Variants in SUN3 observed in about 807,000 individuals in gnomAD.
The protein encoded by SUN3 is SUN domain-containing protein 3.
Under a neutral mutation model 48.2 loss-of-function variants are expected in SUN3, and 36 were observed. The observed-to-expected ratio is 0.75, with a 90% confidence interval of 0.57 to 0.99. The LOEUF (loss-of-function observed/expected upper bound fraction) is 0.99. Among genes scored for constraint, SUN3 ranks in the 50% least tolerant of loss-of-function variants. SUN3 has a pLI of 0.00. For missense variants in SUN3, 419 were observed against 433.1 expected, an observed-to-expected ratio of 0.97 and a Z score of 0.29; for synonymous variants, 148 against 147.9, an observed-to-expected ratio of 1.00 and a Z score of 0.00.
intron 6 of SUN3, among the ~76,000 whole-genome samples, chr7:47,998,534 T>C (rs936541580): frequency 2.6e-5 from 4 of 152,220 alleles, no homozygotes; most frequent in Non-Finnish European, 5.9e-5. Flanking sequence ...ACTGTTTTTT[T>C]GGCAGAGTAG....
At chr7:48,035,653 A>T in the SUN3 span, 1 of 654,030 alleles carries the variant, frequency 1.5e-6, no homozygotes, top group African/African-American at 1.8e-5. This position sits in a 1 kb window ranked among gnomAD's most constrained non-coding sequence, Gnocchi z 4.0. Context: ...GGGCTGGAGG[A>T]CAATGGGGGC....
chr7:48,009,474 G>A (rs925394472), intron 3 of SUN3, among the ~76,000 whole-genome samples: 1 of 152,172 alleles, frequency 6.6e-6, no homozygotes, highest in African/African-American at 2.4e-5. Context: ...AAAAACCTAA[G>A]GAGCACATGG....
chr7:47,988,793 G>A lies in SUN3; in HGVS notation c.949C>T (p.Leu317Phe). Residue 317 changes from leucine (L) to phenylalanine (F), a missense_variant, in exon 9 of 10, where the codon CTC (leucine) becomes TTC (phenylalanine). By Grantham distance (22) the Leu-to-Phe change is conservative. Transcript: ENST00000297325. Reference sequence around the variant, plus strand: ...TTTCCCAGAGCATACATTACCTGGAGTTCAAATGTTTGAACGGTGGTTCCT... The same window carrying A: ...TTTCCCAGAGCATACATTACCTGGAATTCAAATGTTTGAACGGTGGTTCCT... ...KTGTTVQTFE[L>F]QHAVSEYLLC... The A allele has an allele frequency of 1.3e-6, 2 of 1,597,434 alleles. No individual in the cohort carries two copies. The highest frequency in any genetic ancestry group is 1.7e-6 in the Non-Finnish European group (2 of 1,168,458).
chr7:48,027,855 G>A (rs1325902489), intron 1 of SUN3, among the ~76,000 whole-genome samples: 2 of 152,172 alleles, frequency 1.3e-5, no homozygotes, highest in Non-Finnish European at 2.9e-5. Flanking sequence ...GTGGTAGGGG[G>A]TCCACTGTAT....
At chr7:48,020,641 TACAA>T (rs1443617133) in intron 2 of SUN3, among the ~76,000 whole-genome samples, 6 of 152,182 alleles carry the variant, frequency 3.9e-5, no homozygotes, top group Admixed American at 3.9e-4. Flanking sequence ...CATTTCTATA[TACAA>T]ACAGTGAACA....
At chr7:48,021,563 A>C (rs536624211) in intron 2 of SUN3, among the ~76,000 whole-genome samples, 6 of 118,456 alleles carry the variant, frequency 5.1e-5, no homozygotes, top group Non-Finnish European at 9.0e-5. Flanking sequence ...TCTACAGAGA[A>C]AAAAAAAAAA....
At position 48,002,151 on chromosome 7, in the gene SUN3, CTTTTTTTT is replaced by C. The variant is rs71006541; in HGVS notation, c.577+3810_577+3817del. On this transcript the variant is annotated intron_variant, in intron 6 of 9. Transcript: ENST00000297325. ...CATTGTGGTTTTGATTTGCATTTCT[CTTTTTTTT>C]TTTTTTTTTTTTTTTTTTGAGACGG... Among the ~76,000 whole-genome samples, 9 of 64,154 alleles carry C rather than the reference CTTTTTTTT, an allele frequency of 1.4e-4. No individual in the cohort carries two copies. The South Asian group carries it at 2.1e-3, about 15-fold the overall frequency. The allele number at this position is 64,154 out of a possible 152,430, so 42.1% of individuals were successfully genotyped here.
intron 3 of SUN3, among the ~76,000 whole-genome samples, chr7:48,009,713 A>T (rs1274747119): frequency 6.6e-6 from 1 of 152,150 alleles, no homozygotes. Context: ...GAAAAGGTAA[A>T]GTTACTGTTT....
chr7:48,031,507 A>G (rs977696505), upstream of SUN3, among the ~76,000 whole-genome samples: 2 of 152,226 alleles, frequency 1.3e-5, no homozygotes, highest in Non-Finnish European at 2.9e-5. Context: ...ATTTTAAAGA[A>G]ATTGTTAATC....
rs1232274128 is a variant in SUN3 at position 48,009,040 on chromosome 7, A to C, written c.324T>G (p.Leu108=). The C allele has an allele frequency of 6.2e-7, 1 of 1,612,466 alleles. No individual in the cohort carries two copies. Among genetic ancestry groups the C allele is most frequent in the Non-Finnish European group, 8.5e-7 (1 of 1,179,456 alleles). ...RLRMPKEQLE[L]LKKESQNLEN... ...TAGCAAAAGATCGCACTCACTTTAA[A>C]AGTTCCAGTTGCTCTTTAGGCATAC... Residue 108 remains leucine, a synonymous_variant, in exon 4 of 10, where the codon CTT becomes CTG. Transcript: ENST00000297325.
intron 6 of SUN3, among the ~76,000 whole-genome samples, chr7:48,005,215 C>T (rs1013899117): frequency 6.6e-6 from 1 of 152,182 alleles, no homozygotes; most frequent in Non-Finnish European, 1.5e-5. Flanking sequence ...GTTCGTCTCC[C>T]ATCTTGTCCC....
rs1346478067 is a variant in SUN3 at position 47,996,096 on chromosome 7, C to T, written c.628G>A (p.Ala210Thr). 1.3e-6 allele frequency: 2 copies of T among 1,595,260 alleles called. No individual in the cohort carries two copies. Among genetic ancestry groups the T allele is most frequent in the African/African-American group, 2.7e-5 (2 of 73,642 alleles). ...GTSESYKNNKAKLYWHGIGFL... is the reference protein window; with the variant it reads ...GTSESYKNNKTKLYWHGIGFL... ...CCTATCCCATGCCAGTACAATTTTG[C>T]TTTATTATTTTTATAACTTTCTGAG... The change falls in exon 7 of 10, where the codon GCA (alanine) becomes ACA (threonine). Residue 210 changes from alanine (A) to threonine (T), a missense_variant. Transcript: ENST00000297325.
At chr7:48,009,587 T>C (rs531934036) in intron 3 of SUN3, among the ~76,000 whole-genome samples, 8 of 152,122 alleles carry the variant, frequency 5.3e-5, no homozygotes, top group African/African-American at 1.7e-4. Flanking sequence ...TTGGGCTAGA[T>C]TGGCAATCAC....
At chr7:48,033,404 A>AT (rs1276538094), upstream of SUN3, among the ~76,000 whole-genome samples, 1 of 151,308 alleles carries the variant, frequency 6.6e-6, no homozygotes, top group Non-Finnish European at 1.5e-5. Context: ...TCTAAAAAAA[A>AT]TTTAAAAATT....
intron 6 of SUN3, 139 bp from the exon 7 acceptor site, chr7:47,996,285 T>C (rs1344734723): frequency 3.8e-6 from 2 of 526,838 alleles, no homozygotes; most frequent in East Asian, 3.4e-5. Flanking sequence ...CAGGAATTGA[T>C]AGGAAAAGTA....
chr7:48,003,596 A>G (rs1789447782), intron 6 of SUN3, among the ~76,000 whole-genome samples: 1 of 152,100 alleles, frequency 6.6e-6, no homozygotes, highest in Admixed American at 6.5e-5. Context: ...GCAATGGTTT[A>G]TAGTTCTTTT....
intron 1 of SUN3, among the ~76,000 whole-genome samples, chr7:48,026,379 A>G (rs973192935): frequency 6.6e-6 from 1 of 152,184 alleles, no homozygotes; most frequent in Non-Finnish European, 1.5e-5. Context: ...GAAATATCTG[A>G]TAAAATTCTT....
At chr7:47,988,077 A>G (rs1788950421) in intron 9 of SUN3, among the ~76,000 whole-genome samples, 1 of 152,202 alleles carries the variant, frequency 6.6e-6, no homozygotes, top group South Asian at 2.1e-4. Flanking sequence ...CTATAAGAAC[A>G]GATAATATGA....
intron 2 of SUN3, among the ~76,000 whole-genome samples, chr7:48,022,576 A>C (rs1790030329): frequency 6.6e-6 from 1 of 152,056 alleles, no homozygotes; most frequent in Non-Finnish European, 1.5e-5. Context: ...AAAATTTTAA[A>C]TTTTAAATAA....
Sources: allele counts gnomAD v4.1 joint callset (sites outside exome capture counted in the v4.1 genomes callset), GRCh38; gene constraint gnomAD v4.1.1; non-coding constraint Gnocchi (gnomAD v3.1); transcripts MANE v1.5; gene names NCBI Gene and HGNC (gene_info 2026-07-23, HGNC 2026-07-21).